The following C3orf70 variants were observed in gnomAD, a reference collection of about 807,000 sequenced individuals.
C3orf70 encodes UPF0524 protein C3orf70.
In C3orf70, 15 loss-of-function variants were observed where a neutral mutation model predicts 20.7. The observed-to-expected ratio is 0.72, with a 90% CI of 0.48 to 1.11. C3orf70 has a LOEUF of 1.11. Ranked by LOEUF, C3orf70 falls within the 50% of genes most tolerant of loss-of-function variation. C3orf70 has a pLI of 0.00. For synonymous variants in C3orf70, 161 were observed against 125.7 expected (o/e 1.28, Z -1.88); for missense variants, 332 against 317.6 (o/e 1.05, Z -0.34).
At chr3:185,102,123 C>G (rs942317744) in intron 1 of C3orf70, among the ~76,000 whole-genome samples, 18 of 152,254 alleles carry the variant, frequency 1.2e-4, no homozygotes, top group Non-Finnish European at 2.4e-4. Context: ...GAGAGGAAAT[C>G]AAACTATCCC....
At chr3:185,142,428 G>A (rs1229085512) in intron 1 of C3orf70, among the ~76,000 whole-genome samples, 1 of 152,148 alleles carries the variant, frequency 6.6e-6, no homozygotes, top group Non-Finnish European at 1.5e-5. Context: ...GCGAAACCCT[G>A]CTCAAAAACA....
intron 1 of C3orf70, among the ~76,000 whole-genome samples, chr3:185,110,594 A>C (rs549669781): frequency 5.3e-5 from 8 of 152,102 alleles, no homozygotes; most frequent in South Asian, 4.1e-4. Context: ...ACTGGCCATA[A>C]ACAAAATCTC....
At chr3:185,085,968 G>T (rs1404560930) in intron 1 of C3orf70, among the ~76,000 whole-genome samples, 1 of 152,218 alleles carries the variant, frequency 6.6e-6, no homozygotes, top group Non-Finnish European at 1.5e-5. Flanking sequence ...GGAGGCTGTG[G>T]AAGGCAGGCA....
In C3orf70 at chr3:185,079,606, A is replaced by G. The variant is rs1373480637; in HGVS notation, c.*3401T>C. The stretch of plus-strand genomic sequence containing the variant: ...GTAATCATCATTTCTTGGAAAAGTT[A>G]TAAGCATATTTGAAACTTGAAACTT... On this transcript the variant is annotated 3_prime_UTR_variant, in exon 2 of 2. Transcript: ENST00000335012. The G allele has an allele frequency of 6.6e-6, 1 of 152,244 alleles. No homozygotes were observed. The highest frequency in any genetic ancestry group is 1.5e-5 in the Non-Finnish European group (1 of 68,038). 9.4% of individuals were successfully genotyped at this position (152,244 alleles called of 1,614,324 possible). A position where few individuals can be genotyped will look rare whatever the true frequency, so the allele number is the denominator to read the frequency against.
intron 1 of C3orf70, among the ~76,000 whole-genome samples, chr3:185,151,344 G>C (rs1011467937): frequency 6.6e-6 from 1 of 152,158 alleles, no homozygotes; most frequent in African/African-American, 2.4e-5. Flanking sequence ...ATGAATGAAA[G>C]TCCAGATTCT....
chr3:185,145,872 T>C (rs34559330), intron 1 of C3orf70, among the ~76,000 whole-genome samples: 11,042 of 152,336 alleles, frequency 0.072, 450 homozygotes, highest in South Asian at 0.1. Flanking sequence ...TTTGTTATTG[T>C]TGAAGTTTAC....
chr3:185,120,083 T>C (rs1000665708), intron 1 of C3orf70, among the ~76,000 whole-genome samples: 11 of 150,220 alleles, frequency 7.3e-5, no homozygotes, highest in African/African-American at 2.5e-4. Context: ...CTTGGTCATA[T>C]AATAATAACA....
At chr3:185,114,764 C>T (rs1281365530) in intron 1 of C3orf70, among the ~76,000 whole-genome samples, 4 of 152,100 alleles carry the variant, frequency 2.6e-5, no homozygotes, top group Non-Finnish European at 5.9e-5. Context: ...AAAATGAGGC[C>T]GAATGACTTA....
At chr3:185,084,823 C>CT (rs1409006972) in intron 1 of C3orf70, among the ~76,000 whole-genome samples, 2 of 152,106 alleles carry the variant, frequency 1.3e-5, no homozygotes, top group East Asian at 3.8e-4. Flanking sequence ...AAACAAAAAG[C>CT]TAAAGCAGGG....
At chr3:185,129,424 G>A (rs369038532) in intron 1 of C3orf70, among the ~76,000 whole-genome samples, 6 of 152,122 alleles carry the variant, frequency 3.9e-5, no homozygotes, top group African/African-American at 1.2e-4. Context: ...TTTTATGGCT[G>A]CACACAATTC....
chr3:185,134,673 G>C (rs897189708), intron 1 of C3orf70, among the ~76,000 whole-genome samples: 5 of 152,156 alleles, frequency 3.3e-5, no homozygotes, highest in African/African-American at 9.7e-5. Flanking sequence ...CTCTACTCCA[G>C]CCAAACATCA....
chr3:185,124,843 G>A (rs59942528), intron 1 of C3orf70, among the ~76,000 whole-genome samples: 30,643 of 152,044 alleles, frequency 0.2, 3,355 homozygotes, highest in East Asian at 0.42. Flanking sequence ...TTAAAAAAGT[G>A]AGCAAACAAT....
rs1349029611 is a variant in C3orf70, at chr3:185,077,191, T to C, written c.*5816A>G. The stretch of plus-strand genomic sequence containing the variant: ...GACAAAGAGGGAAGCCTGTCAGTGT[T>C]TCTCCTCCACTGTGTTGGGACCAGG... On this transcript the variant is annotated 3_prime_UTR_variant, in exon 2 of 2. Transcript: ENST00000335012. 1.3e-5 allele frequency among the ~76,000 whole-genome samples: 2 copies of C among 152,108 alleles called. No homozygotes were observed. The highest frequency in any genetic ancestry group is 2.9e-5 in the Non-Finnish European group (2 of 68,014).
At position 185,078,916 on chromosome 3, in the gene C3orf70, T is replaced by C. The variant is rs1446538148; in HGVS notation, c.*4091A>G. ...CTATTACCCAAGTCAAGAATTAAAT[T>C]AGCATAAAAGGGGTTTGTTATCGGT... On this transcript the variant is annotated 3_prime_UTR_variant, in exon 2 of 2. Transcript: ENST00000335012. The C allele has an allele frequency of 6.6e-6, 1 of 152,126 alleles. No homozygotes were observed. The highest frequency in any genetic ancestry group is 1.5e-5 in the Non-Finnish European group (1 of 68,020). The allele number at this position is 152,126 out of a possible 1,614,324, so 9.4% of individuals were successfully genotyped here. A position where few individuals can be genotyped will look rare whatever the true frequency, so the allele number is the denominator to read the frequency against.
At chr3:185,134,475 T>C (rs1716582409) in intron 1 of C3orf70, among the ~76,000 whole-genome samples, 2 of 151,762 alleles carry the variant, frequency 1.3e-5, no homozygotes, top group Admixed American at 6.6e-5. Flanking sequence ...CGGTAGTGAG[T>C]TCCCTGGTAT....
At chr3:185,123,936 T>C (rs1254249233) in intron 1 of C3orf70, among the ~76,000 whole-genome samples, 1 of 152,192 alleles carries the variant, frequency 6.6e-6, no homozygotes, top group South Asian at 2.1e-4. Flanking sequence ...GTCTGGAATT[T>C]TGTCTGTCAG....
At chr3:185,117,277 G>A (rs914195285) in intron 1 of C3orf70, among the ~76,000 whole-genome samples, 6 of 151,704 alleles carry the variant, frequency 4.0e-5, no homozygotes, top group African/African-American at 1.5e-4. Flanking sequence ...TTTATTTCTG[G>A]GTAAGTGCCA....
intron 1 of C3orf70, among the ~76,000 whole-genome samples, chr3:185,096,616 G>A (rs888214536): frequency 6.6e-6 from 1 of 152,182 alleles, no homozygotes; most frequent in Non-Finnish European, 1.5e-5. Flanking sequence ...GACTCTGCAG[G>A]AGGAAGGGGC....
At chr3:185,104,510 A>G (rs1336311316) in intron 1 of C3orf70, among the ~76,000 whole-genome samples, 1 of 152,210 alleles carries the variant, frequency 6.6e-6, no homozygotes, top group Non-Finnish European at 1.5e-5. Context: ...ATTCTATCAT[A>G]AAGACACATG....
Sources: allele counts gnomAD v4.1 joint callset (sites outside exome capture counted in the v4.1 genomes callset), GRCh38; gene constraint gnomAD v4.1.1; transcripts MANE v1.5; gene names NCBI Gene and HGNC (gene_info 2026-07-23, HGNC 2026-07-21).